The following PRKD1 variants were observed in gnomAD, a reference collection of about 807,000 sequenced individuals.
PRKD1 encodes protein kinase D1, also known as serine/threonine-protein kinase D1.
A neutral mutation model predicts 95.9 loss-of-function variants in PRKD1; 63 were observed. That is an observed-to-expected ratio of 0.66 (90% CI 0.54 to 0.81). The LOEUF (loss-of-function observed/expected upper bound fraction) is 0.81, where lower values mean the gene tolerates loss of function less well. Among genes scored for constraint, PRKD1 ranks in the 30% least tolerant of loss-of-function variants. PRKD1 has a pLI of 0.00. For missense variants in PRKD1, 1,048 were observed against 1,165.3 expected (o/e 0.90, Z 1.47); for synonymous variants, 425 against 423.1 (o/e 1.00, Z -0.05).
chr14:29,765,898 T>A (rs772488998), intron 1 of PRKD1, among the ~76,000 whole-genome samples: 10 of 152,138 alleles, frequency 6.6e-5, no homozygotes, highest in Non-Finnish European at 1.5e-4. Context: ...AGATTATAAC[T>A]GAAAAGGGAA....
chr14:29,745,113 C>A (rs186744352), intron 1 of PRKD1, among the ~76,000 whole-genome samples: 1 of 152,190 alleles, frequency 6.6e-6, no homozygotes, highest in East Asian at 1.9e-4. Flanking sequence ...ATGGCTAATT[C>A]CTCATTTTGC....
chr14:29,807,273 T>C (rs1002817437), intron 1 of PRKD1, among the ~76,000 whole-genome samples: 3 of 152,140 alleles, frequency 2.0e-5, no homozygotes. Context: ...GGATTCTTGA[T>C]GTAAGCCTTC....
intron 16 of PRKD1, among the ~76,000 whole-genome samples, chr14:29,593,057 C>T (rs1350959032): frequency 6.6e-6 from 1 of 152,052 alleles, no homozygotes; most frequent in African/African-American, 2.4e-5. Context: ...CCATCTATGC[C>T]TGCATTACCT....
intron 1 of PRKD1, among the ~76,000 whole-genome samples, chr14:29,877,045 G>A (rs1184748923): frequency 2.0e-5 from 3 of 152,100 alleles, no homozygotes; most frequent in Middle Eastern, 3.2e-3. Context: ...CCAACTACTC[G>A]CGAGGCTTAG....
chr14:29,873,313 C>T (rs957540575), intron 1 of PRKD1, among the ~76,000 whole-genome samples: 1 of 152,120 alleles, frequency 6.6e-6, no homozygotes, highest in Non-Finnish European at 1.5e-5. Flanking sequence ...TCTTGAACTC[C>T]TGACCTCAGG....
At chr14:29,765,418 C>T (rs1015100659) in intron 1 of PRKD1, among the ~76,000 whole-genome samples, 1 of 152,200 alleles carries the variant, frequency 6.6e-6, no homozygotes, top group South Asian at 2.1e-4. Flanking sequence ...AAAACAGTCA[C>T]TCTCCTACCC....
chr14:29,786,745 G>C (rs540584912), intron 1 of PRKD1, among the ~76,000 whole-genome samples: 1 of 151,936 alleles, frequency 6.6e-6, no homozygotes, highest in South Asian at 2.1e-4. Flanking sequence ...CACGGTTAGC[G>C]TAACTAGTGA....
intron 1 of PRKD1, among the ~76,000 whole-genome samples, chr14:29,769,189 T>TA (rs1299481915): frequency 1.3e-5 from 2 of 152,106 alleles, no homozygotes; most frequent in Non-Finnish European, 2.9e-5. Context: ...CAAAACACGG[T>TA]AGACCTATCC....
At chr14:29,692,103 T>C (rs1030553940) in intron 2 of PRKD1, among the ~76,000 whole-genome samples, 3 of 152,174 alleles carry the variant, frequency 2.0e-5, no homozygotes, top group African/African-American at 4.8e-5. Context: ...AACTTAAATA[T>C]TCCTATGTGT....
intron 2 of PRKD1, among the ~76,000 whole-genome samples, chr14:29,706,977 T>G (rs1363777468): frequency 1.3e-5 from 2 of 152,056 alleles, no homozygotes; most frequent in African/African-American, 2.4e-5. Flanking sequence ...GTTGAAGGAC[T>G]AGCAGGTGTA....
At chr14:29,824,544 G>A (rs1219326742) in intron 1 of PRKD1, among the ~76,000 whole-genome samples, 1 of 152,010 alleles carries the variant, frequency 6.6e-6, no homozygotes, top group African/African-American at 2.4e-5. Context: ...TTTCTATTCA[G>A]GGCCCAGCAC....
At chr14:29,735,463 G>A (rs1386957987) in intron 1 of PRKD1, among the ~76,000 whole-genome samples, 2 of 152,184 alleles carry the variant, frequency 1.3e-5, no homozygotes, top group Non-Finnish European at 2.9e-5. Context: ...GATGTAAAGA[G>A]TAGAGAAAAA....
At chr14:29,713,939 C>G (rs887403440) in intron 2 of PRKD1, among the ~76,000 whole-genome samples, 2 of 152,170 alleles carry the variant, frequency 1.3e-5, no homozygotes, top group Non-Finnish European at 2.9e-5. Flanking sequence ...CCGGTTACTT[C>G]TAGACCTGTT....
At chr14:29,768,354 G>T (rs985954793) in intron 1 of PRKD1, among the ~76,000 whole-genome samples, 4 of 152,070 alleles carry the variant, frequency 2.6e-5, no homozygotes, top group African/African-American at 9.7e-5. Context: ...ATTTGTTCTT[G>T]CATTTTTGGA....
chr14:29,870,204 G>A lies in PRKD1; in HGVS notation c.264+57045C>T, dbSNP rs372419362. On this transcript the variant is annotated intron_variant, in intron 1 of 17. Coordinates refer to ENST00000331968, the MANE Select transcript of PRKD1 (RefSeq NM_002742.3). ...CTCTTCAGCTGCACCCCCTTTCCTC[G>A]TGCATTCATGGATGCCAAAATCAGA... Among the ~76,000 whole-genome samples the A allele has an allele frequency of 6.6e-5, 10 of 152,144 alleles. No individual in the cohort carries two copies. The East Asian group carries it at 1.4e-3, about 21-fold the overall frequency.
intron 1 of PRKD1, among the ~76,000 whole-genome samples, chr14:29,866,174 G>T (rs1349357682): frequency 6.6e-6 from 1 of 150,744 alleles, no homozygotes; most frequent in African/African-American, 2.4e-5. Context: ...CTATATTGCT[G>T]ATATTTCAGA....
chr14:29,879,393 G>A (rs574240222), intron 1 of PRKD1, among the ~76,000 whole-genome samples: 7 of 152,250 alleles, frequency 4.6e-5, no homozygotes, highest in Admixed American at 1.3e-4. Context: ...GGGCTTCCAC[G>A]TTTGCTTCTT....
At chr14:29,837,033 A>G (rs770043367) in intron 1 of PRKD1, among the ~76,000 whole-genome samples, 15 of 152,132 alleles carry the variant, frequency 9.9e-5, no homozygotes, top group Non-Finnish European at 1.9e-4. Context: ...AATTCCATAT[A>G]CTTCCTTACC....
At chr14:29,682,671 G>A (rs77891727) in intron 2 of PRKD1, among the ~76,000 whole-genome samples, 1,884 of 152,252 alleles carry the variant, frequency 0.012, 39 homozygotes, top group African/African-American at 0.043. Context: ...AAGTGCTCAT[G>A]GAACTTAGGA....
Sources: gnomAD v4.1 joint callset for allele counts (sites outside exome capture counted in the v4.1 genomes callset) on GRCh38, gnomAD v4.1.1 for gene constraint, MANE v1.5 for transcripts, NCBI Gene and HGNC (gene_info 2026-07-23, HGNC 2026-07-21) for gene names.